PRIM2: variants seen among roughly 807,000 people sequenced by gnomAD.
The protein encoded by PRIM2 is DNA primase subunit 2, also known as DNA primase large subunit.
Under a neutral mutation model 67.3 loss-of-function variants are expected in PRIM2, and 39 were observed. That is an observed-to-expected ratio of 0.58 (90% confidence interval 0.45 to 0.76). PRIM2 has a LOEUF of 0.76. Ranked by LOEUF, PRIM2 falls within the 30% of genes least tolerant of loss-of-function variation. PRIM2 has a pLI of 0.00. For missense variants in PRIM2, 398 were observed against 598.7 expected (o/e 0.66, Z 3.50); for synonymous variants, 143 against 198.7 (o/e 0.72, Z 2.36).
intron 7 of PRIM2, among the ~76,000 whole-genome samples, chr6:57,401,312 G>A (rs1052073777): frequency 6.6e-6 from 1 of 151,894 alleles, no homozygotes; most frequent in Non-Finnish European, 1.5e-5. Context: ...GTTTTCACAG[G>A]GCCAAGCCTT....
At chr6:57,285,844 A>C in the PRIM2 span, among the ~76,000 whole-genome samples, 1 of 152,234 alleles carries the variant, frequency 6.6e-6, no homozygotes, top group Non-Finnish European at 1.5e-5. Flanking sequence ...ACATGATTGT[A>C]TATTTAGAAA....
chr6:57,279,854 T>A, the PRIM2 span, among the ~76,000 whole-genome samples: 21,291 of 152,148 alleles, frequency 0.14, 1,642 homozygotes, highest in East Asian at 0.21. Context: ...AGGGAAGTCC[T>A]GTTGAGTGAG....
intron 10 of PRIM2, among the ~76,000 whole-genome samples, chr6:57,593,320 A>G (rs1776313920): frequency 6.8e-6 from 1 of 146,976 alleles, no homozygotes; most frequent in African/African-American, 2.5e-5. Context: ...TTTTTTTTTG[A>G]GATGGGAGTT....
At chr6:57,380,269 T>C (rs545259000) in intron 6 of PRIM2, among the ~76,000 whole-genome samples, 1 of 152,298 alleles carries the variant, frequency 6.6e-6, no homozygotes, top group Non-Finnish European at 1.5e-5. Flanking sequence ...TTTGGGTTCT[T>C]ACACCCTGCA....
At position 57,416,835 on chromosome 6, in the gene PRIM2, C is replaced by A. The variant is rs1771279363; in HGVS notation, c.693+34667C>A. On this transcript the variant is annotated intron_variant, in intron 7 of 13. Transcript: ENST00000615550. ...CTGCAGCTTCCCCACCTTTCTCAGC[C>A]TTTATAGAATTGAAGAGAGTTAGGG... 4.6e-5 allele frequency among the ~76,000 whole-genome samples: 7 copies of A among 152,142 alleles called. No homozygotes were observed. In the South Asian group the frequency reaches 1.5e-3, roughly 32 times the overall value.
chr6:57,617,249 C>A (rs1776771806), intron 12 of PRIM2, among the ~76,000 whole-genome samples: 1 of 152,220 alleles, frequency 6.6e-6, no homozygotes, highest in South Asian at 2.1e-4. Context: ...TTCTCACCAT[C>A]TTTGCTCTGT....
the PRIM2 span, among the ~76,000 whole-genome samples, chr6:57,274,316 T>A: frequency 6.6e-6 from 1 of 151,804 alleles, no homozygotes; most frequent in Non-Finnish European, 1.5e-5. Context: ...CCTAATCAAG[T>A]CTCGGCAATG....
At chr6:57,458,408 G>T (rs1304263127) in intron 7 of PRIM2, among the ~76,000 whole-genome samples, 7 of 152,338 alleles carry the variant, frequency 4.6e-5, no homozygotes, top group Admixed American at 2.6e-4. Flanking sequence ...TATAGAGTGG[G>T]TGTTGTGACT....
intron 10 of PRIM2, among the ~76,000 whole-genome samples, chr6:57,575,242 T>C (rs1775942340): frequency 6.6e-6 from 1 of 152,228 alleles, no homozygotes; most frequent in African/African-American, 2.4e-5. Context: ...TTTCTCTCTT[T>C]CTCACTGTCG....
chr6:57,416,572 C>G (rs542152599), intron 7 of PRIM2, among the ~76,000 whole-genome samples: 87 of 152,306 alleles, frequency 5.7e-4, no homozygotes, highest in African/African-American at 1.9e-3. Flanking sequence ...TTCTCTCTAG[C>G]TATGAAAGTC....
At chr6:57,303,962 A>G in the PRIM2 span, among the ~76,000 whole-genome samples, 1 of 152,106 alleles carries the variant, frequency 6.6e-6, no homozygotes, top group Non-Finnish European at 1.5e-5. Flanking sequence ...TTGTTGGGGG[A>G]AAAACATCCA....
At chr6:57,492,103 CG>C (rs1322961029) in intron 7 of PRIM2, among the ~76,000 whole-genome samples, 1 of 152,110 alleles carries the variant, frequency 6.6e-6, no homozygotes, top group Non-Finnish European at 1.5e-5. Flanking sequence ...AGAGGTTGTC[CG>C]GGGACCCTTC....
intron 5 of PRIM2, among the ~76,000 whole-genome samples, chr6:57,327,379 C>T (rs920549235): frequency 6.6e-6 from 1 of 152,196 alleles, no homozygotes; most frequent in African/African-American, 2.4e-5. Flanking sequence ...AGGTGAAAGA[C>T]ATTGTCCTGT....
chr6:57,261,871 T>G, the PRIM2 span, among the ~76,000 whole-genome samples: 1 of 152,228 alleles, frequency 6.6e-6, no homozygotes, highest in Non-Finnish European at 1.5e-5. Context: ...GGTCTCTCTC[T>G]AGGAGTGGTT....
chr6:57,537,405 A>G, intron 9 of PRIM2, 35 bp from the exon 10 acceptor site: 1 of 1,135,438 alleles, frequency 8.8e-7, no homozygotes, highest in Non-Finnish European at 1.2e-6. Context: ...TAAGTCTTCC[A>G]CTTAACTTAA....
rs541166516 is a variant in PRIM2 at position 57,363,295 on chromosome 6, C to T, written c.460-16606C>T. 4.3e-4 allele frequency among the ~76,000 whole-genome samples: 66 copies of T among 152,134 alleles called. 2 individuals carry two copies. Among genetic ancestry groups the T allele is most frequent in the South Asian group, 3.1e-3 (15 of 4,818 alleles). Reference sequence around the variant, plus strand: ...ACTCATCTACTGAAGAACCATGACACAATTATATATGTAAGCAATTAGTAA... The same window carrying T: ...ACTCATCTACTGAAGAACCATGACATAATTATATATGTAAGCAATTAGTAA... On this transcript the variant is annotated intron_variant, in intron 5 of 13. Transcript: ENST00000615550.
At chr6:57,577,280 C>T (rs1380018674) in intron 10 of PRIM2, among the ~76,000 whole-genome samples, 1 of 152,180 alleles carries the variant, frequency 6.6e-6, no homozygotes, top group Admixed American at 6.5e-5. Flanking sequence ...ACACATCTTA[C>T]TGTGTGCATT....
the PRIM2 span, among the ~76,000 whole-genome samples, chr6:57,227,364 C>T: frequency 1.5e-4 from 23 of 152,326 alleles, no homozygotes; most frequent in Admixed American, 1.3e-3. Context: ...TCTCAGTAGG[C>T]TGGGCACAGT....
intron 7 of PRIM2, among the ~76,000 whole-genome samples, chr6:57,456,810 G>T (rs1316774596): frequency 2.6e-4 from 39 of 152,230 alleles, no homozygotes; most frequent in African/African-American, 9.2e-4. Flanking sequence ...TCTCCATCCA[G>T]CTTTGTTCTG....
Sources: gnomAD v4.1 joint callset for allele counts (sites outside exome capture counted in the v4.1 genomes callset) on GRCh38, gnomAD v4.1.1 for gene constraint, MANE v1.5 for transcripts, NCBI Gene and HGNC (gene_info 2026-07-23, HGNC 2026-07-21) for gene names.